NID2: variants seen among roughly 807,000 people sequenced by gnomAD.
NID2 encodes nidogen-2.
NID2 carries 83 observed loss-of-function variants against 145.4 expected under a neutral mutation model. The observed-to-expected ratio is 0.57, with a 90% confidence interval of 0.48 to 0.69. The LOEUF is 0.69. Ranked by LOEUF, NID2 falls within the 30% of genes least tolerant of loss-of-function variation. NID2 has a pLI of 0.00. For synonymous variants in NID2, 739 were observed against 701.3 expected, an observed-to-expected ratio of 1.05 and a Z score of -0.85; for missense variants, 1,807 against 1,765.7, an observed-to-expected ratio of 1.02 and a Z score of -0.42.
At chr14:52,039,129 C>A (rs1892184723) in intron 8 of NID2, 152 bp from the exon 9 acceptor site, 1 of 621,736 alleles carries the variant, frequency 1.6e-6, no homozygotes, top group Non-Finnish European at 2.7e-6. Context: ...TAAGGAAATC[C>A]CAAAAACCTG....
chr14:52,014,806 G>T (rs61971552), intron 15 of NID2, among the ~76,000 whole-genome samples: 19,376 of 151,940 alleles, frequency 0.13, 1,279 homozygotes, highest in East Asian at 0.16. Context: ...GGGCTGGGGA[G>T]GGGGAGTAAC....
chr14:52,028,986 A>T, intron 10 of NID2, 136 bp from the exon 11 acceptor site: 1 of 802,760 alleles, frequency 1.2e-6, no homozygotes, highest in Non-Finnish European at 1.9e-6. Flanking sequence ...ATTTTTAAAA[A>T]TCAGATATGA....
chr14:52,016,100 T>C (rs1891207408), intron 14 of NID2, among the ~76,000 whole-genome samples: 1 of 152,160 alleles, frequency 6.6e-6, no homozygotes, highest in South Asian at 2.1e-4. Context: ...GCTCACTCCA[T>C]GGTTGAAGTC....
rs1159011419 is a variant in NID2, at chr14:52,005,177, AGTT to A, written c.*306_*308del. 1 of 250,680 alleles carries A rather than the reference AGTT, an allele frequency of 4.0e-6. No homozygotes were observed. Among genetic ancestry groups the A allele is most frequent in the Non-Finnish European group, 7.6e-6 (1 of 132,264 alleles). 15.5% of individuals were successfully genotyped at this position (250,680 alleles called of 1,614,324 possible). A position where few individuals can be genotyped will look rare whatever the true frequency, so the allele number is the denominator to read the frequency against. ...TTTAGAGTCTTAAACTCTAATTCTT[AGTT>A]GAATGAATTTGATCTTTTAAATATT... On this transcript the variant is annotated 3_prime_UTR_variant, in exon 22 of 22. Transcript: ENST00000216286.
At chr14:52,055,509 C>T (rs1258524572) in intron 3 of NID2, among the ~76,000 whole-genome samples, 1 of 152,136 alleles carries the variant, frequency 6.6e-6, no homozygotes, top group African/African-American at 2.4e-5. Flanking sequence ...CTTTTAAAGA[C>T]TTCTGGAAAC....
intron 9 of NID2, among the ~76,000 whole-genome samples, chr14:52,038,445 C>T (rs952287892): frequency 6.6e-5 from 10 of 152,218 alleles, no homozygotes; most frequent in African/African-American, 2.4e-4. Flanking sequence ...ACTCTCCCTC[C>T]TAATTCCAGT....
chr14:52,021,990 T>G (rs1439879842), intron 12 of NID2, among the ~76,000 whole-genome samples: 1 of 152,160 alleles, frequency 6.6e-6, no homozygotes, highest in Non-Finnish European at 1.5e-5. Flanking sequence ...AAATTAAAGC[T>G]ATTCACAATA....
Position 52,005,752 on chromosome 14 carries a change from G to T in NID2, c.4102C>A (p.Pro1368Thr), listed in dbSNP as rs144037790. The change falls in exon 21 of 22, where the codon CCC becomes ACC. Residue 1368 changes from proline (P) to threonine (T), a missense_variant. Pro to Thr is a conservative substitution (Grantham distance 38). Transcript: ENST00000216286. ...TACTTTTTACCTGTTGGGCAGTAGGGGTAGACTGCAGTTATCCCGTAGAGG... is the reference window on the plus strand; with the variant it reads ...TACTTTTTACCTGTTGGGCAGTAGGTGTAGACTGCAGTTATCCCGTAGAGG... ...SHLYGITAVY[P>T]YCPTGRK The T allele has an allele frequency of 3.7e-6, 6 of 1,612,140 alleles. No homozygotes were observed. The highest frequency in any genetic ancestry group is 1.1e-5 in the South Asian group (1 of 91,034).
intron 8 of NID2, among the ~76,000 whole-genome samples, chr14:52,039,778 T>C (rs551966331): frequency 1.4e-4 from 22 of 152,282 alleles, no homozygotes; most frequent in East Asian, 9.6e-4. Context: ...TCACATAATA[T>C]AGAAAAAGCA....
chr14:52,044,892 G>A (rs1892431349), intron 5 of NID2, among the ~76,000 whole-genome samples: 1 of 152,140 alleles, frequency 6.6e-6, no homozygotes, highest in Admixed American at 6.5e-5. Flanking sequence ...CCAAAATGCT[G>A]GGATTACAGG....
At position 52,058,690 on chromosome 14, in the gene NID2, T is replaced by G. The variant is rs1497080; in HGVS notation, c.767+1434A>C. Among the ~76,000 whole-genome samples the G allele has an allele frequency of 2.0e-5, 3 of 152,030 alleles. No individual in the cohort carries two copies. The East Asian group carries it at 5.8e-4, about 29-fold the overall frequency. The stretch of plus-strand genomic sequence containing the variant: ...CACTGTCTCCTGTCTCCTGTGTAGA[T>G]GCCAGCACTTACCCAGGGCTCTGTA... On this transcript the variant is annotated intron_variant, in intron 3 of 21. Coordinates refer to ENST00000216286, the MANE Select transcript of NID2 (RefSeq NM_007361.4).
intron 18 of NID2, 189 bp downstream of exon 18, chr14:52,010,687 T>A (rs917351838): frequency 1.8e-6 from 1 of 557,062 alleles, no homozygotes; most frequent in Non-Finnish European, 3.2e-6. Flanking sequence ...ATAAGTGCCA[T>A]GAAAGAACAG....
At chr14:52,032,033 G>A (rs534019720) in intron 9 of NID2, among the ~76,000 whole-genome samples, 24 of 152,258 alleles carry the variant, frequency 1.6e-4, no homozygotes, top group African/African-American at 5.8e-4. Flanking sequence ...AGTCCTTCAG[G>A]GTGTCTGGCA....
chr14:52,060,392 G>A, intron 2 of NID2, 36 bp from the exon 3 acceptor site: 1 of 1,126,030 alleles, frequency 8.9e-7, no homozygotes, highest in Non-Finnish European at 1.2e-6. Flanking sequence ...GAGAGAGAGA[G>A]AGAGAAACAT....
chr14:52,066,016 A>G (rs531902066), intron 2 of NID2, among the ~76,000 whole-genome samples: 9 of 151,660 alleles, frequency 5.9e-5, no homozygotes, highest in African/African-American at 9.7e-5. Flanking sequence ...TTGGGTATAT[A>G]CCCAGTAATG....
rs373950587 is a variant in NID2 at position 52,042,858 on chromosome 14, G to A, written c.1503C>T (p.Cys501=). ...AGCAGAAGCCAGTGGCATAGTCCGT[G>A]CAGAAGGCATGCCGGGAGCATTGTC... ...NHRQCSRHAF[C]TDYATGFCCH... Residue 501 remains cysteine, a synonymous_variant, in exon 6 of 22, where the codon TGC becomes TGT. Transcript: ENST00000216286. The A allele has an allele frequency of 1.9e-6, 3 of 1,614,082 alleles. No individual in the cohort carries two copies. In the African/African-American group the frequency reaches 4.0e-5, roughly 22 times the overall value.
At chr14:52,006,112 C>T in intron 20 of NID2, 2 of 474,302 alleles carry the variant, frequency 4.2e-6, no homozygotes, top group Admixed American at 3.3e-5. Flanking sequence ...TAATGTTCCA[C>T]AGTTCCTCAT....
chr14:52,019,124 G>A lies in NID2; in HGVS notation c.2965C>T (p.His989Tyr). 1 of 1,614,146 alleles carries A rather than the reference G, an allele frequency of 6.2e-7. No individual in the cohort carries two copies. The highest frequency in any genetic ancestry group is 1.1e-5 in the South Asian group (1 of 91,058). ...GFCWCVDPDGHEVPGTQTPPG... is the reference protein window; with the variant it reads ...GFCWCVDPDGYEVPGTQTPPG... ...GGAGTCTGGGTACCAGGAACTTCATGACCATCAGGGTCCACGCACCAGCAG... is the reference window on the plus strand; with the variant it reads ...GGAGTCTGGGTACCAGGAACTTCATAACCATCAGGGTCCACGCACCAGCAG... The change falls in exon 14 of 22, where the codon CAT becomes TAT. Residue 989 changes from histidine (H) to tyrosine (Y), a missense_variant. His to Tyr is a moderately conservative substitution (Grantham distance 83). Transcript: ENST00000216286.
chr14:52,048,262 A>G (rs1439820019), intron 5 of NID2, among the ~76,000 whole-genome samples: 1 of 152,216 alleles, frequency 6.6e-6, no homozygotes, highest in African/African-American at 2.4e-5. Context: ...TCTTTAGTGA[A>G]AGTAATACAG....
Sources: gnomAD v4.1 joint callset for allele counts (sites outside exome capture counted in the v4.1 genomes callset) on GRCh38, gnomAD v4.1.1 for gene constraint, MANE v1.5 for transcripts, NCBI Gene and HGNC (gene_info 2026-07-23, HGNC 2026-07-21) for gene names.